Variants in IPO11 observed in about 807,000 individuals in gnomAD.
IPO11 encodes importin 11.
A neutral mutation model predicts 143.2 loss-of-function variants in IPO11; 66 were observed. The observed-to-expected ratio is 0.46, with a 90% CI of 0.38 to 0.57. The LOEUF (loss-of-function observed/expected upper bound fraction) is 0.57, where lower values mean the gene tolerates loss of function less well. Ranked by LOEUF, IPO11 falls within the 20% of genes least tolerant of loss-of-function variation. The pLI is 0.00. For synonymous variants in IPO11, 385 were observed against 377.8 expected (o/e 1.02, Z -0.22); for missense variants, 1,026 against 1,141.0 (o/e 0.90, Z 1.45).
At chr5:62,527,345 A>AT (rs1377513384) in intron 21 of IPO11, among the ~76,000 whole-genome samples, 1 of 152,214 alleles carries the variant, frequency 6.6e-6, no homozygotes, top group Non-Finnish European at 1.5e-5. Flanking sequence ...TGTTGCAACT[A>AT]TTTGACTCTG....
intron 1 of IPO11, chr5:62,418,946 G>T: frequency 1.3e-6 from 2 of 1,516,432 alleles, no homozygotes; most frequent in Admixed American, 2.0e-5. Flanking sequence ...TTAAGGCTGG[G>T]ATACATCCTG....
intron 3 of IPO11, among the ~76,000 whole-genome samples, chr5:62,447,999 G>C (rs2112154921): frequency 6.6e-6 from 1 of 152,296 alleles, no homozygotes; most frequent in Admixed American, 6.5e-5. Context: ...ACAGGCGTGA[G>C]CTACTGTGTC....
intron 16 of IPO11, among the ~76,000 whole-genome samples, chr5:62,501,318 A>G (rs1337434616): frequency 6.6e-6 from 1 of 152,170 alleles, no homozygotes; most frequent in Admixed American, 6.5e-5. Flanking sequence ...CCCAGAATGA[A>G]TTCTGAATTC....
At chr5:62,516,343 G>GA (rs779775158) in intron 20 of IPO11, among the ~76,000 whole-genome samples, 39 of 152,028 alleles carry the variant, frequency 2.6e-4, no homozygotes, top group Middle Eastern at 6.8e-3. Context: ...GCACAGGCTG[G>GA]AGCACAGTGG....
chr5:62,569,119 T>A (rs140605299), intron 27 of IPO11, among the ~76,000 whole-genome samples: 259 of 152,098 alleles, frequency 1.7e-3, no homozygotes, highest in African/African-American at 6.0e-3. Flanking sequence ...GACCCAGTAC[T>A]GTGATTTATT....
At chr5:62,443,122 C>T in intron 3 of IPO11, 39 bp downstream of exon 3, 1 of 1,311,276 alleles carries the variant, frequency 7.6e-7, no homozygotes, top group Non-Finnish European at 1.1e-6. Context: ...GAGTATAATC[C>T]TTCCCAAATT....
chr5:62,470,816 C>CTTTTTT lies in IPO11; in HGVS notation c.708+532_708+537dup, dbSNP rs70981015. On this transcript the variant is annotated intron_variant, in intron 7 of 29. Coordinates refer to ENST00000325324, the MANE Select transcript of IPO11 (RefSeq NM_016338.5). ...TTCATTGTCTGTAGATAGCCATCTTCTTTTTTTTTTTTTTTTTTTTTTTTT... is the reference window on the plus strand; with the variant it reads ...TTCATTGTCTGTAGATAGCCATCTTCTTTTTTTTTTTTTTTTTTTTTTTTTTTTTTT... Among the ~76,000 whole-genome samples the CTTTTTT allele has an allele frequency of 3.6e-3, 223 of 62,562 alleles. 33 individuals carry two copies. Among genetic ancestry groups the CTTTTTT allele is most frequent in the East Asian group, 7.1e-3 (10 of 1,418 alleles). The allele number at this position is 62,562 out of a possible 152,430, so 41.0% of individuals were successfully genotyped here.
chr5:62,540,968 A>C (rs1314923973), intron 24 of IPO11, among the ~76,000 whole-genome samples: 1 of 152,230 alleles, frequency 6.6e-6, no homozygotes, highest in African/African-American at 2.4e-5. Context: ...ATAAATACTT[A>C]AGTACATTAA....
chr5:62,436,935 C>CATT (rs1296011638), intron 1 of IPO11, among the ~76,000 whole-genome samples: 1 of 152,304 alleles, frequency 6.6e-6, no homozygotes, highest in South Asian at 2.1e-4. Context: ...AGACAGAAGA[C>CATT]ATTATGCTTA....
chr5:62,468,138 A>G (rs1040649157), intron 6 of IPO11, among the ~76,000 whole-genome samples: 2 of 150,656 alleles, frequency 1.3e-5, no homozygotes, highest in East Asian at 3.9e-4. Context: ...CTGGTCTTGA[A>G]CTCCTAGCTT....
intron 22 of IPO11, among the ~76,000 whole-genome samples, chr5:62,534,497 ATAG>A (rs767067721): frequency 8.5e-5 from 13 of 152,232 alleles, no homozygotes; most frequent in Non-Finnish European, 1.5e-4. Flanking sequence ...ATAAAAGCAA[ATAG>A]TAGATTATAA....
At chr5:62,524,547 G>A (rs1364978125) in intron 20 of IPO11, among the ~76,000 whole-genome samples, 2 of 152,038 alleles carry the variant, frequency 1.3e-5, no homozygotes, top group African/African-American at 4.8e-5. Flanking sequence ...TGAAATTGAA[G>A]TGAGTTTTAA....
chr5:62,557,953 G>C (rs1347419686), intron 26 of IPO11, among the ~76,000 whole-genome samples: 2 of 151,910 alleles, frequency 1.3e-5, no homozygotes, highest in African/African-American at 4.8e-5. Context: ...TTTTTTGTTT[G>C]TTTTTTCATT....
intron 28 of IPO11, among the ~76,000 whole-genome samples, chr5:62,593,499 C>T (rs1193460439): frequency 1.3e-5 from 2 of 151,858 alleles, no homozygotes; most frequent in African/African-American, 4.8e-5. Context: ...AAAATAACAA[C>T]AACAACAAAA....
intron 7 of IPO11, 65 bp downstream of exon 7, chr5:62,470,373 G>GTGC: frequency 7.3e-7 from 1 of 1,368,416 alleles, no homozygotes; most frequent in Non-Finnish European, 1.0e-6. Flanking sequence ...GTTTGAAAGA[G>GTGC]TGCTCTTTTT....
intron 6 of IPO11, among the ~76,000 whole-genome samples, chr5:62,469,601 A>C (rs1024044092): frequency 6.6e-6 from 1 of 152,198 alleles, no homozygotes; most frequent in East Asian, 1.9e-4. Flanking sequence ...CAATAACCCT[A>C]TAAAGTAGGA....
Position 62,451,772 on chromosome 5 carries a change from T to G in IPO11, c.355T>G (p.Leu119Val). 1 of 1,614,200 alleles carries G rather than the reference T, an allele frequency of 6.2e-7. No homozygotes were observed. Among genetic ancestry groups the G allele is most frequent in the Non-Finnish European group, 8.5e-7 (1 of 1,180,028 alleles). The change falls in exon 5 of 30, where the codon TTG becomes GTG. Residue 119 changes from leucine (L) to valine (V), a missense_variant. By Grantham distance (32) the Leu-to-Val change is conservative. Transcript: ENST00000325324. ...AGTGCTCATTGCAAAAGTTGCTAGA[T>G]TGGATTGTCCCAGACAGTGGCCTGA... is the stretch of plus-strand genomic sequence containing the variant. ...IAVLIAKVAR[L>V]DCPRQWPELI... is the part of the protein sequence containing the mutation.
intron 26 of IPO11, among the ~76,000 whole-genome samples, chr5:62,552,191 C>T (rs1743411668): frequency 6.6e-6 from 1 of 151,996 alleles, no homozygotes; most frequent in Non-Finnish European, 1.5e-5. Flanking sequence ...AGTCATTAAT[C>T]TGTTAAGATT....
chr5:62,551,147 G>A (rs1422082519), intron 25 of IPO11, 76 bp from the exon 26 acceptor site: 5 of 752,946 alleles, frequency 6.6e-6, no homozygotes, highest in South Asian at 3.4e-5. Flanking sequence ...TATCCCTGTT[G>A]CTTGTTACTG....
Sources: allele counts gnomAD v4.1 joint callset (sites outside exome capture counted in the v4.1 genomes callset), GRCh38; gene constraint gnomAD v4.1.1; transcripts MANE v1.5; gene names NCBI Gene and HGNC (gene_info 2026-07-23, HGNC 2026-07-21).